Variants in TCF7L1 observed in about 807,000 individuals in gnomAD.
TCF7L1 encodes the protein transcription factor 7-like 1.
TCF7L1 carries 18 observed loss-of-function variants against 63.7 expected under a neutral mutation model. The observed-to-expected ratio is 0.28, with a 90% CI of 0.20 to 0.42. TCF7L1 has a LOEUF of 0.42. Ranked by LOEUF, TCF7L1 falls within the 10% of genes least tolerant of loss-of-function variation. The pLI, the probability that TCF7L1 is intolerant of heterozygous loss-of-function variation, is 1.00. For synonymous variants in TCF7L1, 355 were observed against 340.9 expected, an observed-to-expected ratio of 1.04 and a Z score of -0.46; for missense variants, 654 against 779.3, an observed-to-expected ratio of 0.84 and a Z score of 1.91.
chr2:85,172,647 A>G (rs781529871), intron 3 of TCF7L1, among the ~76,000 whole-genome samples: 2 of 152,056 alleles, frequency 1.3e-5, no homozygotes, highest in Non-Finnish European at 2.9e-5. Context: ...GCTGGTCTCG[A>G]ACTCCTGACC....
chr2:85,260,824 C>T (rs1040834891), intron 3 of TCF7L1, among the ~76,000 whole-genome samples: 1 of 152,194 alleles, frequency 6.6e-6, no homozygotes, highest in Non-Finnish European at 1.5e-5. Context: ...ATCACATACT[C>T]AGCCCCTTCT....
At chr2:85,292,455 C>T (rs1366594075) in intron 4 of TCF7L1, among the ~76,000 whole-genome samples, 1 of 152,152 alleles carries the variant, frequency 6.6e-6, no homozygotes, top group Non-Finnish European at 1.5e-5. Context: ...AAAAAAAGAA[C>T]AAAATTTAAA....
chr2:85,140,290 C>T (rs1677695885), intron 3 of TCF7L1, among the ~76,000 whole-genome samples: 1 of 152,122 alleles, frequency 6.6e-6, no homozygotes, highest in Admixed American at 6.5e-5. Context: ...GGGAGGAACC[C>T]TCGGTTTCAT....
chr2:85,281,213 C>T (rs189140600), intron 3 of TCF7L1, among the ~76,000 whole-genome samples: 166 of 152,064 alleles, frequency 1.1e-3, no homozygotes, highest in Non-Finnish European at 2.0e-3. Flanking sequence ...TAGTAAGAGA[C>T]GGGGTTTCAC....
intron 3 of TCF7L1, among the ~76,000 whole-genome samples, chr2:85,173,823 G>C (rs1310578410): frequency 6.6e-6 from 1 of 151,900 alleles, no homozygotes. Context: ...TGCAACCTCT[G>C]CCTCTTGGGT....
In TCF7L1 at chr2:85,134,732, G is replaced by A. The variant is rs975068378; in HGVS notation, c.441+282G>A. On this transcript the variant is annotated intron_variant, in intron 3 of 11. Coordinates refer to ENST00000282111, the MANE Select transcript of TCF7L1 (RefSeq NM_031283.3). This position sits in a 1 kb window ranked among gnomAD's most constrained non-coding sequence, Gnocchi z 5.0. ...TCCAGAATTCTTCGCCTGCACCGAA[G>A]GAAACTTGGATTTGTGCCCGCTTTG... Among the ~76,000 whole-genome samples, 3 of 152,184 alleles carry A rather than the reference G, an allele frequency of 2.0e-5. No homozygotes were observed. Among genetic ancestry groups the A allele is most frequent in the Non-Finnish European group, 2.9e-5 (2 of 68,040 alleles).
intron 3 of TCF7L1, among the ~76,000 whole-genome samples, chr2:85,174,883 C>T (rs1678640955): frequency 2.6e-5 from 4 of 152,242 alleles, no homozygotes; most frequent in African/African-American, 9.6e-5. Flanking sequence ...ACCTTTCTTC[C>T]TCCGGACCTC....
At chr2:85,168,004 C>G in intron 3 of TCF7L1, among the ~76,000 whole-genome samples, 1 of 152,136 alleles carries the variant, frequency 6.6e-6, no homozygotes, top group Admixed American at 6.5e-5. Context: ...CGAAAATAGT[C>G]AAACTTAAAG....
At chr2:85,290,145 A>G (rs1436632786) in intron 4 of TCF7L1, among the ~76,000 whole-genome samples, 1 of 151,372 alleles carries the variant, frequency 6.6e-6, no homozygotes, top group African/African-American at 2.4e-5. Flanking sequence ...CACATGGCTA[A>G]TTTTTGTATT....
rs546746517 is a variant in TCF7L1, at chr2:85,197,935, G to A, written c.441+63485G>A. 2.0e-3 allele frequency among the ~76,000 whole-genome samples: 301 copies of A among 152,324 alleles called. 1 individual carries two copies. The highest frequency in any genetic ancestry group is 2.5e-3 in the Non-Finnish European group (170 of 68,022). ...CTTCAGTGAGCAGTGTTGGGTGCCT[G>A]AGTGAGGAAGTAGAGGTGGCAGAGG... On this transcript the variant is annotated intron_variant, in intron 3 of 11. Coordinates refer to ENST00000282111, the MANE Select transcript of TCF7L1 (RefSeq NM_031283.3).
chr2:85,248,345 G>A (rs1680515070), intron 3 of TCF7L1, among the ~76,000 whole-genome samples: 1 of 152,168 alleles, frequency 6.6e-6, no homozygotes, highest in South Asian at 2.1e-4. Context: ...ACTTCAGTAG[G>A]GCTGTCGTGG....
chr2:85,210,322 G>A (rs1163969425), intron 3 of TCF7L1, among the ~76,000 whole-genome samples: 1 of 152,226 alleles, frequency 6.6e-6, no homozygotes, highest in African/African-American at 2.4e-5. Context: ...GCACAGCTAT[G>A]GCCCCTGGCT....
chr2:85,148,486 C>T (rs1007991125), intron 3 of TCF7L1, among the ~76,000 whole-genome samples: 2 of 152,090 alleles, frequency 1.3e-5, no homozygotes, highest in Non-Finnish European at 2.9e-5. Flanking sequence ...CCCCAGGGCC[C>T]CCCTCAGGGA....
intron 3 of TCF7L1, among the ~76,000 whole-genome samples, chr2:85,240,672 A>C (rs1680300265): frequency 6.6e-6 from 1 of 151,414 alleles, no homozygotes. Flanking sequence ...AATCCCAGCT[A>C]CTCTGAGGCA....
intron 3 of TCF7L1, among the ~76,000 whole-genome samples, chr2:85,146,497 CTTTTT>C (rs554058692): frequency 6.8e-5 from 7 of 103,572 alleles, no homozygotes; most frequent in Admixed American, 1.1e-4. Context: ...TTCTTTCTTT[CTTTTT>C]TTTTTTTTTT....
intron 3 of TCF7L1, among the ~76,000 whole-genome samples, chr2:85,233,539 C>T (rs1229817649): frequency 1.3e-5 from 2 of 152,022 alleles, no homozygotes; most frequent in Non-Finnish European, 2.9e-5. Context: ...TGGTCTCGAT[C>T]TCCTGACCTC....
At chr2:85,135,466 C>T (rs954763837) in intron 3 of TCF7L1, among the ~76,000 whole-genome samples, 3 of 152,194 alleles carry the variant, frequency 2.0e-5, no homozygotes, top group African/African-American at 7.2e-5. Context: ...ACTTCGCTGT[C>T]GACGGTGGGT....
At chr2:85,298,230 A>ACGC (rs1681879319) in intron 4 of TCF7L1, among the ~76,000 whole-genome samples, 1 of 138,490 alleles carries the variant, frequency 7.2e-6, no homozygotes, top group African/African-American at 2.8e-5. Context: ...GCGGTGGCTC[A>ACGC]CGCCTGTATC....
intron 3 of TCF7L1, among the ~76,000 whole-genome samples, chr2:85,259,817 C>CG (rs1680815373): frequency 6.6e-6 from 1 of 152,006 alleles, no homozygotes; most frequent in Admixed American, 6.5e-5. Flanking sequence ...CCTTGAAATG[C>CG]GGGGATGTTG....
Sources: gnomAD v4.1 joint callset for allele counts (sites outside exome capture counted in the v4.1 genomes callset) on GRCh38, gnomAD v4.1.1 for gene constraint, Gnocchi (gnomAD v3.1) non-coding constraint, MANE v1.5 for transcripts, NCBI Gene and HGNC (gene_info 2026-07-23, HGNC 2026-07-21) for gene names.